The following CTDSP1 variants were observed in gnomAD, a reference collection of about 807,000 sequenced individuals.
CTDSP1 encodes the protein CTD small phosphatase 1, also known as carboxy-terminal domain RNA polymerase II polypeptide A small phosphatase 1.
Under a neutral mutation model 32.5 loss-of-function variants are expected in CTDSP1, and 15 were observed. That is an observed-to-expected ratio of 0.46 (90% CI 0.31 to 0.71). The LOEUF is 0.71. Ranked by LOEUF, CTDSP1 falls within the 30% of genes least tolerant of loss-of-function variation. CTDSP1 has a pLI of 0.05. For synonymous variants in CTDSP1, 185 were observed against 145.4 expected (o/e 1.27, Z -1.96); for missense variants, 294 against 351.1 (o/e 0.84, Z 1.30).
chr2:218,398,476 C>A (rs1559132436), upstream of CTDSP1: 12 of 1,525,732 alleles, frequency 7.9e-6, no homozygotes, highest in African/African-American at 4.1e-5. Flanking sequence ...GCCCGGGGAC[C>A]GGGGTATCAG....
intron 1 of CTDSP1, 193 bp from the exon 2 acceptor site, chr2:218,401,371 C>A: frequency 1.6e-6 from 1 of 617,768 alleles, no homozygotes; most frequent in Non-Finnish European, 2.8e-6. Context: ...TGTCTGGGAG[C>A]TGCAGGAGCC....
At chr2:218,404,269 C>A in intron 6 of CTDSP1, 28 bp from the exon 7 acceptor site, 1 of 1,610,182 alleles carries the variant, frequency 6.2e-7, no homozygotes, top group Non-Finnish European at 8.5e-7. Context: ...CACCTGCCCC[C>A]CTCATCTTCC....
At chr2:218,403,511 G>C in intron 6 of CTDSP1, 94 bp downstream of exon 6, 1 of 1,213,762 alleles carries the variant, frequency 8.2e-7, no homozygotes, top group South Asian at 1.5e-5. Flanking sequence ...ATCCCCAGTT[G>C]GGGGGTGGGT....
At chr2:218,401,523 C>T (rs754847996) in intron 1 of CTDSP1, 41 bp from the exon 2 acceptor site, 19 of 1,608,978 alleles carry the variant, frequency 1.2e-5, no homozygotes, top group East Asian at 4.5e-5. Flanking sequence ...TTCTGCAGGC[C>T]AGTGTGCACC....
Position 218,402,363 on chromosome 2 carries a change from G to A in CTDSP1, c.336G>A (p.Ala112=), listed in dbSNP as rs750056056. Residue 112 remains alanine, a synonymous_variant, in exon 4 of 7, where the codon GCG becomes GCA. Coordinates refer to ENST00000273062, the MANE Select transcript of CTDSP1 (RefSeq NM_021198.3). ...VHSSFKPVNN[A]DFIIPVEIDG... is the part of the protein sequence containing the mutation. ...TCCCCCCACAGCCAGTGAACAACGCGGACTTCATCATCCCTGTGGAGATTG... is the reference window on the plus strand; with the variant it reads ...TCCCCCCACAGCCAGTGAACAACGCAGACTTCATCATCCCTGTGGAGATTG... The A allele has an allele frequency of 3.3e-5, 53 of 1,613,626 alleles. No homozygotes were observed. Among genetic ancestry groups the A allele is most frequent in the East Asian group, 8.9e-5 (4 of 44,886 alleles).
intron 4 of CTDSP1, 29 bp downstream of exon 4, chr2:218,402,434 CTTGGCA>C: frequency 6.3e-7 from 1 of 1,594,342 alleles, no homozygotes; most frequent in South Asian, 1.1e-5. Flanking sequence ...CAGTGGTGGG[CTTGGCA>C]TCTGCCTCCA....
At chr2:218,400,997 CTG>C (rs1697107049) in intron 1 of CTDSP1, 1 of 444,478 alleles carries the variant, frequency 2.2e-6, no homozygotes, top group African/African-American at 2.1e-5. Context: ...GGAGGGGTAT[CTG>C]TCAATCAGGC....
At chr2:218,400,855 C>T (rs1697094950) in intron 1 of CTDSP1, 3 of 456,298 alleles carry the variant, frequency 6.6e-6, no homozygotes, top group Admixed American at 2.4e-5. Flanking sequence ...TCTGTCTTCT[C>T]CTTTTCCCCG....
rs116574948 is a variant in CTDSP1, at chr2:218,403,608, C to T, written c.657+191C>T. The stretch of plus-strand genomic sequence containing the variant: ...GCCCTGTAGCCATATGGTCTTTTCC[C>T]CTCGCACAAAGCAGAGCATCTGCCA... On this transcript the variant is annotated intron_variant, in intron 6 of 6. Transcript: ENST00000273062. 7.1e-3 allele frequency: 3,886 copies of T among 548,206 alleles called. 25 individuals carry two copies. Among genetic ancestry groups the T allele is most frequent in the Non-Finnish European group, 9.6e-3 (3,023 of 315,008 alleles). The allele number at this position is 548,206 out of a possible 1,614,324, so 34.0% of individuals were successfully genotyped here. A position where few individuals can be genotyped will look rare whatever the true frequency, so the allele number is the denominator to read the frequency against.
At chr2:218,397,083 G>A (rs1308105656), upstream of CTDSP1, among the ~76,000 whole-genome samples, 1 of 152,200 alleles carries the variant, frequency 6.6e-6, no homozygotes, top group African/African-American at 2.4e-5. Context: ...GGGGGCACGT[G>A]TGTGCACATC....
Position 218,401,607 on chromosome 2 carries a change from C to T in CTDSP1, c.111C>T (p.Gly37=), listed in dbSNP as rs1206624492. ...CTTCCCAGAAGCCCCGAAGCCGGGG[C>T]ATCCTCCACTCACTCTTCTGCTGTG... ...SAASQKPRSR[G]ILHSLFCCVC... is the part of the protein sequence containing the mutation. The change falls in exon 2 of 7, where the codon GGC becomes GGT. Residue 37 remains glycine (G), a synonymous_variant. Coordinates refer to ENST00000273062, the MANE Select transcript of CTDSP1 (RefSeq NM_021198.3). 4.3e-6 allele frequency: 7 copies of T among 1,613,842 alleles called. No individual in the cohort carries two copies. The highest frequency in any genetic ancestry group is 5.1e-6 in the Non-Finnish European group (6 of 1,179,946).
chr2:218,402,989 ACACTGCCC>A (rs1195760123), intron 4 of CTDSP1, 38 bp from the exon 5 acceptor site: 59 of 1,426,662 alleles, frequency 4.1e-5, no homozygotes, highest in African/African-American at 5.6e-5. Context: ...GGCCACCCCC[ACACTGCCC>A]CACTGGCCCG....
At chr2:218,397,020 T>G (rs1574787144), upstream of CTDSP1, 1 of 151,014 alleles carries the variant, frequency 6.6e-6, no homozygotes. Flanking sequence ...GGGTCGGCGG[T>G]AGGGGGGAGT....
At position 218,399,875 on chromosome 2, in the gene CTDSP1, C is replaced by T. The variant is rs1469812737; in HGVS notation, c.-216C>T. 1 of 1,247,768 alleles carries T rather than the reference C, an allele frequency of 8.0e-7. No individual in the cohort carries two copies. Among genetic ancestry groups the T allele is most frequent in the Non-Finnish European group, 1.0e-6 (1 of 996,180 alleles). The allele number at this position is 1,247,768 out of a possible 1,614,324, so 77.3% of individuals were successfully genotyped here. A position where few individuals can be genotyped will look rare whatever the true frequency, so the allele number is the denominator to read the frequency against. Reference sequence around the variant, plus strand: ...CGCCTGGGTTCCATGTTTGCATCCGCCTCGCGGGAAGGAAACTCCATGTTG... The same window carrying T: ...CGCCTGGGTTCCATGTTTGCATCCGTCTCGCGGGAAGGAAACTCCATGTTG... On this transcript the variant is annotated 5_prime_UTR_variant, in exon 1 of 7. Coordinates refer to ENST00000273062, the MANE Select transcript of CTDSP1 (RefSeq NM_021198.3).
upstream of CTDSP1, chr2:218,399,741 CCCGCCTCCCAGT>C (rs1440204881): frequency 2.1e-5 from 21 of 1,014,992 alleles, no homozygotes; most frequent in African/African-American, 3.6e-4. Context: ...CCCGGCCCGG[CCCGCCTCCCAGT>C]CCGCCTAGCC....
In CTDSP1 at chr2:218,400,355, T is replaced by C. The variant is rs893526239; in HGVS notation, c.67+198T>C. 7.3e-6 allele frequency: 5 copies of C among 688,982 alleles called. No individual in the cohort carries two copies. The African/African-American group carries it at 8.9e-5, about 12-fold the overall frequency. The allele number at this position is 688,982 out of a possible 1,614,324, so 42.7% of individuals were successfully genotyped here. A position where few individuals can be genotyped will look rare whatever the true frequency, so the allele number is the denominator to read the frequency against. ...GAGACGCGGGGCGGGGCCTGGCGCC[T>C]TTGGGGCGCTCCTGTTCGCTCGAGG... is the stretch of plus-strand genomic sequence containing the variant. On this transcript the variant is annotated intron_variant, in intron 1 of 6. Transcript: ENST00000273062.
upstream of CTDSP1, chr2:218,398,623 G>A (rs1696942836): frequency 8.2e-6 from 4 of 489,368 alleles, no homozygotes; most frequent in East Asian, 1.5e-4. Flanking sequence ...CCCTCGGCAG[G>A]GCCTGGCGGA....
upstream of CTDSP1, chr2:218,399,731 C>A (rs1697003220): frequency 2.0e-6 from 2 of 1,004,854 alleles, no homozygotes; most frequent in African/African-American, 1.7e-5. Context: ...GCGGCAGGAA[C>A]CCGGCCCGGC....
upstream of CTDSP1, chr2:218,399,801 C>T (rs865806808): frequency 1.6e-5 from 18 of 1,125,178 alleles, no homozygotes; most frequent in Middle Eastern, 3.7e-4. Context: ...GCAGCCGAGT[C>T]CAGGTCACGC....
Sources: gnomAD v4.1 joint callset for allele counts (sites outside exome capture counted in the v4.1 genomes callset) on GRCh38, gnomAD v4.1.1 for gene constraint, MANE v1.5 for transcripts, NCBI Gene and HGNC (gene_info 2026-07-23, HGNC 2026-07-21) for gene names.